BFSP2: variants seen among roughly 807,000 people sequenced by gnomAD.
The protein encoded by BFSP2 is beaded filament structural protein 2, also known as phakinin.
In BFSP2, 38 loss-of-function variants were observed where a neutral mutation model predicts 44.9. That is an observed-to-expected ratio of 0.85 (90% CI 0.65 to 1.11). BFSP2 has a LOEUF of 1.11. Among genes scored for constraint, BFSP2 ranks in the 50% least tolerant of loss-of-function variants. BFSP2 has a pLI of 0.00. For missense variants in BFSP2, 525 were observed against 533.0 expected (o/e 0.99, Z 0.15); for synonymous variants, 197 against 209.9 (o/e 0.94, Z 0.53).
chr3:133,427,523 C>G (rs2073665170), intron 1 of BFSP2, among the ~76,000 whole-genome samples: 1 of 152,236 alleles, frequency 6.6e-6, no homozygotes, highest in South Asian at 2.1e-4. Context: ...ATCAAGTGAG[C>G]ATTTCCCTGC....
rs756367026 is a variant in BFSP2, at chr3:133,466,942, G to C, written c.1006G>C (p.Glu336Gln). ...CQVQSLQAET[E>Q]SLRALKRGLE... ...AGTCCAGAGCCTCCAGGCTGAGACA[G>C]AATCCTTACGTGCCCTGGTAAGTGG... Residue 336 changes from glutamate (E) to glutamine (Q), a missense_variant, in exon 5 of 7, where the codon GAA becomes CAA. Physicochemically the swap from Glu to Gln is conservative, Grantham distance 29 (BLOSUM62 2). Coordinates refer to ENST00000302334, the MANE Select transcript of BFSP2 (RefSeq NM_003571.4). The C allele has an allele frequency of 6.2e-7, 1 of 1,614,114 alleles. No homozygotes were observed. Among genetic ancestry groups the C allele is most frequent in the Non-Finnish European group, 8.5e-7 (1 of 1,179,998 alleles).
At chr3:133,461,357 G>A (rs1011209422) in intron 4 of BFSP2, among the ~76,000 whole-genome samples, 2 of 152,030 alleles carry the variant, frequency 1.3e-5, no homozygotes, top group Non-Finnish European at 2.9e-5. Flanking sequence ...TCAAAATGTC[G>A]ACATGCTCTC....
chr3:133,408,644 A>G (rs1021809205), intron 1 of BFSP2, among the ~76,000 whole-genome samples: 1 of 152,256 alleles, frequency 6.6e-6, no homozygotes, highest in Non-Finnish European at 1.5e-5. Flanking sequence ...GACTCGTTGA[A>G]TAAACCATGA....
chr3:133,452,650 C>T (rs2073976199), intron 4 of BFSP2, among the ~76,000 whole-genome samples: 1 of 152,130 alleles, frequency 6.6e-6, no homozygotes, highest in Admixed American at 6.5e-5. Flanking sequence ...AGGTGACTTC[C>T]CACGATCACA....
chr3:133,434,713 A>G (rs937824729), intron 1 of BFSP2, among the ~76,000 whole-genome samples: 1 of 152,120 alleles, frequency 6.6e-6, no homozygotes, highest in African/African-American at 2.4e-5. Context: ...AAGTGATGAC[A>G]TTACCTTGTG....
chr3:133,462,247 T>TA (rs34221737), intron 4 of BFSP2, among the ~76,000 whole-genome samples: 52,410 of 152,098 alleles, frequency 0.34, 10,146 homozygotes, highest in East Asian at 0.59. Context: ...CGTTTATTTG[T>TA]AAAAAAAGAG....
At chr3:133,412,631 T>C (rs1169972730) in intron 1 of BFSP2, 1 of 152,324 alleles carries the variant, frequency 6.6e-6, no homozygotes, top group Non-Finnish European at 1.5e-5. Flanking sequence ...CTCAGGGCAG[T>C]CTGGGTGCCG....
intron 1 of BFSP2, among the ~76,000 whole-genome samples, chr3:133,402,348 G>A (rs764047477): frequency 2.6e-5 from 4 of 152,164 alleles, no homozygotes; most frequent in African/African-American, 4.8e-5. Flanking sequence ...TCTACAAAAT[G>A]GGTATAACAA....
intron 1 of BFSP2, among the ~76,000 whole-genome samples, chr3:133,423,780 C>T: frequency 6.6e-6 from 1 of 152,100 alleles, no homozygotes; most frequent in East Asian, 1.9e-4. Flanking sequence ...TAGGAACTGT[C>T]TTACATACCT....
chr3:133,463,919 A>G (rs2074087012), intron 4 of BFSP2, among the ~76,000 whole-genome samples: 1 of 152,142 alleles, frequency 6.6e-6, no homozygotes, highest in African/African-American at 2.4e-5. Context: ...GTAACAATGT[A>G]ATTTAATTTC....
At chr3:133,437,778 A>T (rs150909964) in intron 1 of BFSP2, among the ~76,000 whole-genome samples, 2 of 152,284 alleles carry the variant, frequency 1.3e-5, no homozygotes, top group Non-Finnish European at 2.9e-5. Context: ...TGCCCTGGAG[A>T]GGGAGCACCG....
chr3:133,424,527 C>T (rs1449091938), intron 1 of BFSP2, among the ~76,000 whole-genome samples: 1 of 152,134 alleles, frequency 6.6e-6, no homozygotes, highest in Non-Finnish European at 1.5e-5. Flanking sequence ...GGTCCCTAAT[C>T]TCTCCCACCT....
At chr3:133,471,073 A>G (rs561279375) in intron 5 of BFSP2, among the ~76,000 whole-genome samples, 7 of 152,302 alleles carry the variant, frequency 4.6e-5, no homozygotes, top group Non-Finnish European at 1.0e-4. Flanking sequence ...GGGTGGGGAT[A>G]AAGATGGAAA....
At position 133,472,504 on chromosome 3, in the gene BFSP2, A is replaced by G. The variant is rs557279383; in HGVS notation, c.1183A>G (p.Lys395Glu). Residue 395 changes from lysine to glutamate, a missense_variant, in exon 6 of 7, where the codon AAG becomes GAG. Lys to Glu is a moderately conservative substitution (Grantham distance 56, BLOSUM62 1). Transcript: ENST00000302334. The part of the protein sequence containing the change: ...QQERAHLLAR[K>E]CQLQKDVASY... ...GGAGCGCGCGCATCTGCTGGCCCGC[A>G]AGTGCCAGCTGCAGAAGGACGTGGC... 3 of 1,613,254 alleles carry G rather than the reference A, an allele frequency of 1.9e-6. No homozygotes were observed. In the South Asian group the frequency reaches 3.3e-5, roughly 18 times the overall value.
intron 1 of BFSP2, among the ~76,000 whole-genome samples, chr3:133,415,565 C>T (rs1326410563): frequency 1.1e-4 from 8 of 71,902 alleles, no homozygotes; most frequent in South Asian, 5.5e-4. Context: ...CTCACCCCTG[C>T]CCCCTCCGCT....
intron 1 of BFSP2, among the ~76,000 whole-genome samples, chr3:133,404,697 T>C (rs1052490654): frequency 1.3e-5 from 2 of 152,208 alleles, no homozygotes; most frequent in African/African-American, 4.8e-5. Flanking sequence ...AAAAGCATTA[T>C]ATTTGAGTAA....
At chr3:133,467,486 T>C (rs1380306280) in intron 5 of BFSP2, among the ~76,000 whole-genome samples, 1 of 152,114 alleles carries the variant, frequency 6.6e-6, no homozygotes, top group Non-Finnish European at 1.5e-5. Context: ...CCCCTTTTCC[T>C]GAGAGTACTC....
intron 1 of BFSP2, among the ~76,000 whole-genome samples, chr3:133,441,039 CTTT>C (rs534254115): frequency 7.1e-5 from 9 of 127,236 alleles, no homozygotes; most frequent in Admixed American, 2.4e-4. Context: ...CAGATGCAAT[CTTT>C]TTTTTTTTTT....
intron 4 of BFSP2, among the ~76,000 whole-genome samples, chr3:133,450,764 A>C (rs2073955934): frequency 6.6e-6 from 1 of 152,194 alleles, no homozygotes; most frequent in African/African-American, 2.4e-5. Flanking sequence ...AATATGCACC[A>C]AGAGTGTTAA....
Sources: allele counts gnomAD v4.1 joint callset (sites outside exome capture counted in the v4.1 genomes callset), GRCh38; gene constraint gnomAD v4.1.1; transcripts MANE v1.5; gene names NCBI Gene and HGNC (gene_info 2026-07-23, HGNC 2026-07-21).